KIF26A: variants seen among roughly 807,000 people sequenced by gnomAD.
KIF26A encodes the protein kinesin-like protein KIF26A.
In KIF26A, 74 loss-of-function variants were observed where a neutral mutation model predicts 126.0. The observed-to-expected ratio is 0.59, with a 90% confidence interval of 0.49 to 0.71. KIF26A has a LOEUF of 0.71. Among genes scored for constraint, KIF26A ranks in the 30% least tolerant of loss-of-function variants. KIF26A has a pLI of 0.00. For missense variants in KIF26A, 2,984 were observed against 2,763.3 expected (o/e 1.08, Z -1.79); for synonymous variants, 1,445 against 1,232.7 (o/e 1.17, Z -3.61).
At chr14:104,153,120 C>G (rs1426291678) in intron 3 of KIF26A, among the ~76,000 whole-genome samples, 1 of 152,144 alleles carries the variant, frequency 6.6e-6, no homozygotes, top group Non-Finnish European at 1.5e-5. Context: ...ACATTGGCCA[C>G]TGATCCTAAG....
intron 4 of KIF26A, among the ~76,000 whole-genome samples, chr14:104,162,232 C>T (rs1338962927): frequency 1.3e-5 from 2 of 152,152 alleles, no homozygotes; most frequent in African/African-American, 4.8e-5. Flanking sequence ...TGGCGATGGG[C>T]CCCAGGAGGA....
rs1359557275 is a variant in KIF26A, at chr14:104,166,963, T to G, written c.1028T>G (p.Val343Gly). The G allele has an allele frequency of 6.3e-7, 1 of 1,590,206 alleles. No homozygotes were observed. Among genetic ancestry groups the G allele is most frequent in the Middle Eastern group, 1.7e-4 (1 of 5,970 alleles). ...TSTYPTDFSG[V>G]LQLWPPPAPP... ...ACCTACCCCACCGACTTCAGCGGGGTCCTGCAGCTGTGGCCGCCCCCGGCG... is the reference window on the plus strand; with the variant it reads ...ACCTACCCCACCGACTTCAGCGGGGGCCTGCAGCTGTGGCCGCCCCCGGCG... Residue 343 changes from valine (V) to glycine (G), a missense_variant, in exon 5 of 15, where the codon GTC becomes GGC. Transcript: ENST00000423312.
intron 2 of KIF26A, among the ~76,000 whole-genome samples, chr14:104,146,547 G>T (rs1326014462): frequency 1.3e-5 from 2 of 151,158 alleles, no homozygotes; most frequent in Non-Finnish European, 3.0e-5. Context: ...GGCGACCACC[G>T]CAGATCCTCT....
chr14:104,176,661 C>T lies in KIF26A; in HGVS notation c.3873C>T (p.Ala1291=). ...QRVVDGCEVA[A]RAARRPEAVA... Reference sequence around the variant, plus strand: ...TGGTGGACGGGTGTGAGGTGGCAGCCAGGGCGGCCCGCAGGCCAGAGGCTG... The same window carrying T: ...TGGTGGACGGGTGTGAGGTGGCAGCTAGGGCGGCCCGCAGGCCAGAGGCTG... Residue 1291 remains alanine (A), a synonymous_variant, in exon 12 of 15, where the codon GCC becomes GCT. Coordinates refer to ENST00000423312, the MANE Select transcript of KIF26A (RefSeq NM_015656.2). 3 of 1,599,834 alleles carry T rather than the reference C, an allele frequency of 1.9e-6. No individual in the cohort carries two copies. Among genetic ancestry groups the T allele is most frequent in the Non-Finnish European group, 2.6e-6 (3 of 1,173,018 alleles).
In KIF26A at chr14:104,151,684, G is replaced by A. The variant is rs987848448; in HGVS notation, c.289-331G>A. The stretch of plus-strand genomic sequence containing the variant: ...GCCCTGCTTCTTGCCAGTCTCCTGC[G>A]TGTCCCCGGCCAGGCGGCCTTAGCT... On this transcript the variant is annotated intron_variant, in intron 2 of 14. Coordinates refer to ENST00000423312, the MANE Select transcript of KIF26A (RefSeq NM_015656.2). The surrounding 1 kb of genome is among the most constrained non-coding windows in gnomAD (Gnocchi z 4.9). 2.0e-5 allele frequency among the ~76,000 whole-genome samples: 3 copies of A among 152,190 alleles called. No individual in the cohort carries two copies. The highest frequency in any genetic ancestry group is 2.1e-4 in the South Asian group (1 of 4,824).
chr14:104,167,503 C>T (rs575162606), intron 5 of KIF26A, among the ~76,000 whole-genome samples: 2 of 152,210 alleles, frequency 1.3e-5, no homozygotes, highest in South Asian at 2.1e-4. Context: ...ATTCTGGCGC[C>T]GCGCTCCACA....
intron 4 of KIF26A, among the ~76,000 whole-genome samples, chr14:104,165,006 T>G (rs1374172681): frequency 2.0e-5 from 3 of 151,894 alleles, no homozygotes; most frequent in Non-Finnish European, 2.9e-5. Flanking sequence ...TGCGTGCACG[T>G]GTCTCTGGGT....
At chr14:104,149,971 T>C (rs896226324) in intron 2 of KIF26A, among the ~76,000 whole-genome samples, 9 of 152,202 alleles carry the variant, frequency 5.9e-5, no homozygotes, top group African/African-American at 2.2e-4. Flanking sequence ...CAGCATAATC[T>C]GAGCCTGACT....
intron 4 of KIF26A, among the ~76,000 whole-genome samples, chr14:104,159,927 C>T (rs2037818037): frequency 6.6e-6 from 1 of 152,134 alleles, no homozygotes; most frequent in South Asian, 2.1e-4. Context: ...GGCTGTGGCT[C>T]TGAGTGGGGA....
chr14:104,154,149 T>C (rs935808605), intron 3 of KIF26A, among the ~76,000 whole-genome samples: 2 of 152,184 alleles, frequency 1.3e-5, no homozygotes, highest in Admixed American at 6.5e-5. Flanking sequence ...AGTTAAATAC[T>C]TGTGGAGAGA....
At chr14:104,173,990 C>T (rs1169777015) in intron 10 of KIF26A, 122 bp downstream of exon 10, 5 of 1,406,928 alleles carry the variant, frequency 3.6e-6, no homozygotes, top group Non-Finnish European at 4.7e-6. Context: ...TCCTCCACCA[C>T]CTGACAGGCC....
chr14:104,171,363 A>G (rs754318764), intron 5 of KIF26A, among the ~76,000 whole-genome samples: 3 of 152,118 alleles, frequency 2.0e-5, no homozygotes, highest in Non-Finnish European at 4.4e-5. Flanking sequence ...CCAGGGGGCC[A>G]TGCTCCTCCC....
At chr14:104,157,289 A>T (rs1359952768) in intron 3 of KIF26A, among the ~76,000 whole-genome samples, 1 of 152,168 alleles carries the variant, frequency 6.6e-6, no homozygotes, top group Non-Finnish European at 1.5e-5. Context: ...ACGTGGGGCA[A>T]TTAGTGTTCC....
chr14:104,170,600 G>A (rs2037947680), intron 5 of KIF26A, among the ~76,000 whole-genome samples: 1 of 152,206 alleles, frequency 6.6e-6, no homozygotes. Flanking sequence ...TTTCAGCGCA[G>A]AGTGGACTGT....
chr14:104,161,468 C>T (rs951137292), intron 4 of KIF26A, among the ~76,000 whole-genome samples: 3 of 152,222 alleles, frequency 2.0e-5, no homozygotes, highest in African/African-American at 7.2e-5. Flanking sequence ...TGTGAAATTA[C>T]CCTCTTGTTT....
At chr14:104,162,559 A>C (rs1352359428) in intron 4 of KIF26A, among the ~76,000 whole-genome samples, 1 of 152,170 alleles carries the variant, frequency 6.6e-6, no homozygotes, top group Non-Finnish European at 1.5e-5. Flanking sequence ...TCCAGTCTCC[A>C]GTGCTTGCCC....
chr14:104,145,725 G>A (rs989287278), intron 2 of KIF26A, among the ~76,000 whole-genome samples: 3 of 152,140 alleles, frequency 2.0e-5, no homozygotes, highest in Admixed American at 6.5e-5. Flanking sequence ...GCTGTAGCCC[G>A]GCTCTGCCCT....
intron 2 of KIF26A, among the ~76,000 whole-genome samples, chr14:104,147,222 T>C (rs1371849453): frequency 6.6e-6 from 1 of 152,152 alleles, no homozygotes. Context: ...CTGTCTGGCC[T>C]TTAACCACCC....
At chr14:104,140,139 GGGTT>G (rs2037624112) in intron 2 of KIF26A, among the ~76,000 whole-genome samples, 1 of 152,202 alleles carries the variant, frequency 6.6e-6, no homozygotes, top group Non-Finnish European at 1.5e-5. Flanking sequence ...AGGGCTGTGG[GGGTT>G]GGAGTGAGCT....
Sources: gnomAD v4.1 joint callset for allele counts (sites outside exome capture counted in the v4.1 genomes callset) on GRCh38, gnomAD v4.1.1 for gene constraint, Gnocchi (gnomAD v3.1) non-coding constraint, MANE v1.5 for transcripts, NCBI Gene and HGNC (gene_info 2026-07-23, HGNC 2026-07-21) for gene names.